The following ASH1L variants were observed in gnomAD, a reference collection of about 807,000 sequenced individuals.
The protein encoded by ASH1L is ASH1 like histone lysine methyltransferase, also known as histone-lysine N-methyltransferase ASH1L.
In ASH1L, 23 loss-of-function variants were observed where a neutral mutation model predicts 269.0. That is an observed-to-expected ratio of 0.09 (90% CI 0.06 to 0.12). The LOEUF is 0.12. Ranked by LOEUF, ASH1L falls within the 10% of genes least tolerant of loss-of-function variation. The pLI is 1.00. For synonymous variants in ASH1L, 1,187 were observed against 1,253.5 expected (o/e 0.95, Z 1.12); for missense variants, 2,912 against 3,567.8 (o/e 0.82, Z 4.68).
intron 2 of ASH1L, among the ~76,000 whole-genome samples, chr1:155,494,598 C>T (rs982874005): frequency 2.0e-5 from 3 of 152,064 alleles, no homozygotes; most frequent in Non-Finnish European, 4.4e-5. Context: ...ATTAATTAGG[C>T]AATTAGGTTA....
chr1:155,550,353 T>C (rs11264380), intron 1 of ASH1L, among the ~76,000 whole-genome samples: 48,430 of 152,008 alleles, frequency 0.32, 8,240 homozygotes, highest in East Asian at 0.72. Flanking sequence ...CTGGTTGCAT[T>C]ATTCATCTTT....
chr1:155,539,739 G>C (rs1402226281), intron 1 of ASH1L, among the ~76,000 whole-genome samples: 1 of 151,802 alleles, frequency 6.6e-6, no homozygotes, highest in African/African-American at 2.4e-5. Flanking sequence ...TGAGCCACTA[G>C]AGATTGTTTT....
Position 155,343,082 on chromosome 1 carries a change from GC to G in ASH1L, c.8293+231del. 2.2e-6 allele frequency: 1 copy of G among 446,238 alleles called. No homozygotes were observed. Among genetic ancestry groups the G allele is most frequent in the Admixed American group, 4.0e-5 (1 of 25,196 alleles). The allele number at this position is 446,238 out of a possible 1,614,324, so 27.6% of individuals were successfully genotyped here. A position where few individuals can be genotyped will look rare whatever the true frequency, so the allele number is the denominator to read the frequency against. ...GTTGGAGTGCAGTGGTGCGATCTTG[GC>G]TCACTGCAACCTCTGCCTCCCAGGC... is the stretch of plus-strand genomic sequence containing the variant. On this transcript the variant is annotated intron_variant, in intron 24 of 27. Transcript: ENST00000392403. This position sits in a 1 kb window ranked among gnomAD's most constrained non-coding sequence, Gnocchi z 6.1.
rs1652374041 is a variant in ASH1L, at chr1:155,337,015, G to GC, written c.*644dup. 6.6e-6 allele frequency: 1 copy of GC among 152,374 alleles called. No individual in the cohort carries two copies. The highest frequency in any genetic ancestry group is 1.5e-5 in the Non-Finnish European group (1 of 68,068). The allele number at this position is 152,374 out of a possible 1,614,324, so 9.4% of individuals were successfully genotyped here. On this transcript the variant is annotated 3_prime_UTR_variant, in exon 28 of 28. Coordinates refer to ENST00000392403, the MANE Select transcript of ASH1L (RefSeq NM_018489.3). ...ACCGTGCCCTTCTGACCCCATGGGG[G>GC]CCTTCCCTATCCCATGATTCCATTT... is the stretch of plus-strand genomic sequence containing the variant.
chr1:155,387,110 A>T (rs1352932313), intron 7 of ASH1L, among the ~76,000 whole-genome samples: 1 of 151,822 alleles, frequency 6.6e-6, no homozygotes, highest in Non-Finnish European at 1.5e-5. Context: ...AGTAGCTGGG[A>T]TTATAGGCAT....
At chr1:155,381,954 C>T (rs1456263742) in intron 7 of ASH1L, among the ~76,000 whole-genome samples, 3 of 151,186 alleles carry the variant, frequency 2.0e-5, no homozygotes, top group Non-Finnish European at 4.4e-5. Context: ...CACCTGTAAT[C>T]CCAGCACTTT....
intron 7 of ASH1L, among the ~76,000 whole-genome samples, chr1:155,390,640 C>CG (rs1657840998): frequency 7.3e-6 from 1 of 136,580 alleles, no homozygotes; most frequent in South Asian, 2.8e-4. Flanking sequence ...TCTCCCCCCC[C>CG]CCCCTTTTTT....
At chr1:155,400,867 T>A (rs1658777207) in intron 6 of ASH1L, among the ~76,000 whole-genome samples, 1 of 152,192 alleles carries the variant, frequency 6.6e-6, no homozygotes, top group East Asian at 1.9e-4. Context: ...AAAAGATAAA[T>A]TAAGATCATG....
intron 1 of ASH1L, among the ~76,000 whole-genome samples, chr1:155,529,004 T>A (rs750433848): frequency 6.6e-6 from 1 of 152,086 alleles, no homozygotes; most frequent in Admixed American, 6.6e-5. Flanking sequence ...CTCCACTCCA[T>A]CCATGATCCT....
intron 3 of ASH1L, among the ~76,000 whole-genome samples, chr1:155,467,136 T>C (rs945819884): frequency 6.6e-6 from 1 of 152,190 alleles, no homozygotes; most frequent in African/African-American, 2.4e-5. Context: ...TCCATTCTAC[T>C]GCTCTGCCAA....
chr1:155,383,667 C>A (rs1657170036), intron 7 of ASH1L, among the ~76,000 whole-genome samples: 1 of 152,112 alleles, frequency 6.6e-6, no homozygotes, highest in Non-Finnish European at 1.5e-5. Context: ...CATGGATGAA[C>A]CTTAAAGACA....
chr1:155,367,786 A>C (rs1655570840), intron 12 of ASH1L, among the ~76,000 whole-genome samples: 1 of 152,180 alleles, frequency 6.6e-6, no homozygotes, highest in Admixed American at 6.5e-5. Flanking sequence ...AAACCAAACA[A>C]TCTTTTATTC....
chr1:155,550,778 A>G (rs1029596125), intron 1 of ASH1L, among the ~76,000 whole-genome samples: 15 of 152,296 alleles, frequency 9.8e-5, no homozygotes, highest in Admixed American at 8.5e-4. Context: ...GAAAGCAACA[A>G]CTTTTATCTG....
chr1:155,398,484 T>C (rs1227738080), intron 6 of ASH1L, among the ~76,000 whole-genome samples: 2 of 152,094 alleles, frequency 1.3e-5, no homozygotes, highest in East Asian at 1.9e-4. Context: ...ATAAGAAAGA[T>C]AGAGTAAAAA....
chr1:155,497,895 G>A (rs929343547), intron 2 of ASH1L, among the ~76,000 whole-genome samples: 3 of 151,692 alleles, frequency 2.0e-5, no homozygotes, highest in African/African-American at 4.8e-5. Context: ...GACTACAGGC[G>A]CCTGCCACCA....
intron 2 of ASH1L, among the ~76,000 whole-genome samples, chr1:155,487,801 G>A (rs144542811): frequency 1.2e-3 from 182 of 151,868 alleles, no homozygotes; most frequent in African/African-American, 4.2e-3. Flanking sequence ...TAAATAGGAA[G>A]TTATTTTTTA....
intron 2 of ASH1L, among the ~76,000 whole-genome samples, chr1:155,498,855 A>G (rs980292345): frequency 1.3e-5 from 2 of 152,040 alleles, no homozygotes; most frequent in African/African-American, 4.8e-5. Flanking sequence ...CACTTTCAAG[A>G]AAAGTACGCT....
intron 6 of ASH1L, among the ~76,000 whole-genome samples, chr1:155,412,551 G>A (rs964197487): frequency 6.6e-6 from 1 of 152,164 alleles, no homozygotes; most frequent in Non-Finnish European, 1.5e-5. Context: ...CCCAGTATAT[G>A]TCTTCATCTA....
intron 1 of ASH1L, among the ~76,000 whole-genome samples, chr1:155,529,442 A>C (rs1669509325): frequency 6.6e-6 from 1 of 151,178 alleles, no homozygotes; most frequent in African/African-American, 2.4e-5. Context: ...TTGAATGATC[A>C]GTGATGTTGA....
Sources: gnomAD v4.1 joint callset for allele counts (sites outside exome capture counted in the v4.1 genomes callset) on GRCh38, gnomAD v4.1.1 for gene constraint, Gnocchi (gnomAD v3.1) non-coding constraint, MANE v1.5 for transcripts, NCBI Gene and HGNC (gene_info 2026-07-23, HGNC 2026-07-21) for gene names.